The following UNC5A variants were observed in gnomAD, a reference collection of about 807,000 sequenced individuals.
UNC5A encodes the protein netrin receptor UNC5A.
UNC5A carries 20 observed loss-of-function variants against 87.4 expected under a neutral mutation model. That is an observed-to-expected ratio of 0.23 (90% CI 0.16 to 0.33). The LOEUF (loss-of-function observed/expected upper bound fraction) is 0.33. Among genes scored for constraint, UNC5A ranks in the 10% least tolerant of loss-of-function variants. The probability of loss-of-function intolerance (pLI) is 1.00; values close to 1 mark genes in which losing one functional copy is unlikely to be tolerated. For missense variants in UNC5A, 844 were observed against 1,133.4 expected, an observed-to-expected ratio of 0.74 and a Z score of 3.67; for synonymous variants, 438 against 482.3, an observed-to-expected ratio of 0.91 and a Z score of 1.20.
In UNC5A at chr5:176,866,228, G is replaced by C. The variant is rs1291794121; in HGVS notation, c.293-1902G>C. On this transcript the variant is annotated intron_variant, in intron 2 of 14. Coordinates refer to ENST00000329542, the MANE Select transcript of UNC5A (RefSeq NM_133369.3). This position sits in a 1 kb window ranked among gnomAD's most constrained non-coding sequence, Gnocchi z 5.0. The stretch of plus-strand genomic sequence containing the variant: ...GGCTGCCTGATGATCCACAAGAGGA[G>C]AGCGCACAGCCCCTCACATCAAAGA... Among the ~76,000 whole-genome samples the C allele has an allele frequency of 6.6e-6, 1 of 152,160 alleles. No homozygotes were observed. The highest frequency in any genetic ancestry group is 1.9e-4 in the East Asian group (1 of 5,190).
chr5:176,856,235 G>A (rs76407385), intron 1 of UNC5A, among the ~76,000 whole-genome samples: 1,818 of 152,282 alleles, frequency 0.012, 40 homozygotes, highest in African/African-American at 0.041. Context: ...TCAGAGTTCC[G>A]GGCGAGTCTT....
At chr5:176,815,833 A>T (rs1289078860) in intron 1 of UNC5A, among the ~76,000 whole-genome samples, 2 of 151,944 alleles carry the variant, frequency 1.3e-5, no homozygotes, top group Non-Finnish European at 2.9e-5. Flanking sequence ...TGACACATAC[A>T]CCACCCACTG....
Position 176,868,188 on chromosome 5 carries a change from C to G in UNC5A, c.351C>G (p.Phe117Leu). Residue 117 changes from phenylalanine to leucine, a missense_variant, in exon 3 of 15, where the codon TTC becomes TTG. Around this residue, in one of 3 missense-constraint regions of UNC5A, gnomAD observed 314 missense variants for 466.5 expected, o/e 0.67. Transcript: ENST00000329542. ...NVSRQQVEKV[F>L]GLEEYWCQCV... is the part of the protein sequence containing the mutation. Reference sequence around the variant, plus strand: ...CAAGGCAGCAGGTCGAGAAGGTGTTCGGGCTGGAGGAATACTGGTGCCAGT... The same window carrying G: ...CAAGGCAGCAGGTCGAGAAGGTGTTGGGGCTGGAGGAATACTGGTGCCAGT... The G allele has an allele frequency of 6.2e-7, 1 of 1,613,624 alleles. No individual in the cohort carries two copies. Among genetic ancestry groups the G allele is most frequent in the Non-Finnish European group, 8.5e-7 (1 of 1,179,942 alleles).
intron 1 of UNC5A, among the ~76,000 whole-genome samples, chr5:176,814,028 G>A (rs1459036398): frequency 2.0e-5 from 3 of 152,044 alleles, no homozygotes; most frequent in Non-Finnish European, 4.4e-5. Context: ...TCTCTCTCAC[G>A]CTTCACATCT....
intron 1 of UNC5A, among the ~76,000 whole-genome samples, chr5:176,840,904 C>T (rs1401714791): frequency 1.3e-5 from 2 of 152,234 alleles, no homozygotes; most frequent in Non-Finnish European, 2.9e-5. Context: ...GCTTGAGCAG[C>T]ACAGAGAGCT....
At chr5:176,817,188 G>A (rs1028071930) in intron 1 of UNC5A, among the ~76,000 whole-genome samples, 3 of 151,860 alleles carry the variant, frequency 2.0e-5, no homozygotes, top group Non-Finnish European at 4.4e-5. Flanking sequence ...CCCCAGAGCC[G>A]GGCCTCTCCC....
At chr5:176,828,532 G>C (rs1383329563) in intron 1 of UNC5A, among the ~76,000 whole-genome samples, 2 of 152,144 alleles carry the variant, frequency 1.3e-5, no homozygotes, top group Non-Finnish European at 2.9e-5. Context: ...ATCTTCCCCT[G>C]GCTTCCCTGG....
Position 176,877,691 on chromosome 5 carries a change from G to A in UNC5A, c.1623G>A (p.Glu541=), listed in dbSNP as rs756136862. 5 of 1,603,824 alleles carry A rather than the reference G, an allele frequency of 3.1e-6. No homozygotes were observed. The African/African-American group carries it at 4.0e-5, about 13-fold the overall frequency. Residue 541 remains glutamate (E), a synonymous_variant, in exon 10 of 15, where the codon GAG becomes GAA. Transcript: ENST00000329542. ...WSLRLKKQSC[E]GSWEDVLHLG... is the part of the protein sequence containing the mutation. The stretch of plus-strand genomic sequence containing the variant: ...TGCGCCTCAAAAAGCAGTCGTGCGA[G>A]GGCAGCTGGGAGGTGAGCAGGGAAC...
At position 176,878,657 on chromosome 5, in the gene UNC5A, C is replaced by A; in HGVS notation, c.2184+18C>A. 1.2e-6 allele frequency: 2 copies of A among 1,604,728 alleles called. No homozygotes were observed. The highest frequency in any genetic ancestry group is 1.7e-6 in the Non-Finnish European group (2 of 1,174,484). ...TCACCAAGGTGGACGGGAGGGGCTGCCGCACCGCCGTGACGTGCTCCCACT... is the reference window on the plus strand; with the variant it reads ...TCACCAAGGTGGACGGGAGGGGCTGACGCACCGCCGTGACGTGCTCCCACT... On this transcript the variant is annotated intron_variant, in intron 13 of 14. Coordinates refer to ENST00000329542, the MANE Select transcript of UNC5A (RefSeq NM_133369.3).
Position 176,878,024 on chromosome 5 carries a change from C to T in UNC5A, c.1766C>T (p.Ala589Val), listed in dbSNP as rs1200443534. 3 of 1,607,960 alleles carry T rather than the reference C, an allele frequency of 1.9e-6. No individual in the cohort carries two copies. The highest frequency in any genetic ancestry group is 1.7e-6 in the Non-Finnish European group (2 of 1,179,946). ...GTGGGAGAGGCCCTCAGCGTGGCTG[C>T]CGCCAAGCGCCTCAAGCTGCTTCTG... ...ALVGEALSVAAAKRLKLLLFA... is the reference protein window; with the variant it reads ...ALVGEALSVAVAKRLKLLLFA... Residue 589 changes from alanine to valine, a missense_variant, in exon 11 of 15, where the codon GCC becomes GTC. Coordinates refer to ENST00000329542, the MANE Select transcript of UNC5A (RefSeq NM_133369.3).
intron 1 of UNC5A, among the ~76,000 whole-genome samples, chr5:176,859,988 G>A (rs1757793596): frequency 6.6e-6 from 1 of 152,246 alleles, no homozygotes; most frequent in Non-Finnish European, 1.5e-5. Flanking sequence ...GTTAAATGCA[G>A]ACATGAGGGA....
intron 2 of UNC5A, chr5:176,864,708 C>A: frequency 2.6e-6 from 1 of 378,302 alleles, no homozygotes; most frequent in Middle Eastern, 3.7e-4. Flanking sequence ...AGCTTCTCAC[C>A]TGCGGTCTTC....
chr5:176,871,834 CG>C (rs1758120701), intron 6 of UNC5A, among the ~76,000 whole-genome samples: 2 of 53,952 alleles, frequency 3.7e-5, no homozygotes, highest in African/African-American at 9.7e-5. Flanking sequence ...TGCCCACACT[CG>C]CCCCAACACC....
rs516603 is a variant in UNC5A, at chr5:176,844,790, G to A, written c.71-17834G>A. On this transcript the variant is annotated intron_variant, in intron 1 of 14. Transcript: ENST00000329542. This position sits in a 1 kb window ranked among gnomAD's most constrained non-coding sequence, Gnocchi z 4.2. ...GGGCTATGGCCCAATCACTCACCCC[G>A]AGACCCCTCTCCACCCTCCAGCACT... is the stretch of plus-strand genomic sequence containing the variant. Among the ~76,000 whole-genome samples the A allele has an allele frequency of 7.4e-3, 1,134 of 152,244 alleles. 13 individuals are homozygous for A. The highest frequency in any genetic ancestry group is 0.025 in the African/African-American group (1,055 of 41,538).
chr5:176,872,721 CCCA>C (rs1224965754), intron 6 of UNC5A, among the ~76,000 whole-genome samples: 1 of 124,748 alleles, frequency 8.0e-6, no homozygotes, highest in East Asian at 2.6e-4. Flanking sequence ...CCACACTCAC[CCCA>C]CACCACAGCT....
In UNC5A at chr5:176,862,634, G is replaced by A. The variant is rs537369748; in HGVS notation, c.81G>A (p.Gln27=). The part of the protein sequence containing the change: ...AAWLRGSGAQ[Q]SATVANPVPG... ...TCTGCCCTGCCGCAGGTGCCCAGCA[G>A]AGTGCCACCGTGGCCAACCCAGTGC... The change falls in exon 2 of 15, where the codon CAG becomes CAA. Residue 27 remains glutamine (Q), a synonymous_variant. Transcript: ENST00000329542. The A allele has an allele frequency of 6.2e-7, 1 of 1,613,366 alleles. No individual in the cohort carries two copies. Among genetic ancestry groups the A allele is most frequent in the East Asian group, 2.2e-5 (1 of 44,880 alleles).
rs563888910 is a variant in UNC5A, at chr5:176,874,840, G to A, written c.1378+274G>A. On this transcript the variant is annotated intron_variant, in intron 8 of 14. Transcript: ENST00000329542. This position sits in a 1 kb window ranked among gnomAD's most constrained non-coding sequence, Gnocchi z 7.6. ...CTCCATGTGGGGCCCTGGGCCCAGA[G>A]GTAGGGCAAGCCCCGGCCCCAAGGA... is the stretch of plus-strand genomic sequence containing the variant. Among the ~76,000 whole-genome samples, 2 of 152,314 alleles carry A rather than the reference G, an allele frequency of 1.3e-5. No individual in the cohort carries two copies. The highest frequency in any genetic ancestry group is 1.9e-4 in the East Asian group (1 of 5,168).
chr5:176,822,023 T>C (rs1756739736), intron 1 of UNC5A, among the ~76,000 whole-genome samples: 1 of 152,272 alleles, frequency 6.6e-6, no homozygotes, highest in Non-Finnish European at 1.5e-5. Flanking sequence ...AGGGCTCTGA[T>C]GTGGATTAGA....
intron 1 of UNC5A, among the ~76,000 whole-genome samples, chr5:176,817,957 C>A (rs1756634245): frequency 6.6e-6 from 1 of 152,078 alleles, no homozygotes; most frequent in African/African-American, 2.4e-5. Context: ...CCCGCGGCCG[C>A]CCGCCGGATT....
Sources: gnomAD v4.1 joint callset for allele counts (sites outside exome capture counted in the v4.1 genomes callset) on GRCh38, gnomAD v4.1.1 for gene constraint, gnomAD v4.1.1 regional missense constraint, Gnocchi (gnomAD v3.1) non-coding constraint, MANE v1.5 for transcripts, NCBI Gene and HGNC (gene_info 2026-07-23, HGNC 2026-07-21) for gene names.